MTUS1: variants seen among roughly 807,000 people sequenced by gnomAD.
The protein encoded by MTUS1 is microtubule associated scaffold protein 1.
MTUS1 carries 109 observed loss-of-function variants against 120.8 expected under a neutral mutation model. That is an observed-to-expected ratio of 0.90 (90% confidence interval 0.77 to 1.06). The LOEUF is 1.06. Ranked by LOEUF, MTUS1 falls within the 50% of genes least tolerant of loss-of-function variation. The pLI is 0.00. For synonymous variants in MTUS1, 737 were observed against 550.5 expected, an observed-to-expected ratio of 1.34 and a Z score of -4.74; for missense variants, 2,210 against 1,486.3, an observed-to-expected ratio of 1.49 and a Z score of -8.01.
intron 6 of MTUS1, among the ~76,000 whole-genome samples, chr8:17,707,840 T>G (rs1820472176): frequency 6.6e-6 from 1 of 152,214 alleles, no homozygotes; most frequent in Non-Finnish European, 1.5e-5. Context: ...AACCAATTAT[T>G]TTTAACAAAG....
At chr8:17,666,242 G>A (rs116038571) in intron 8 of MTUS1, among the ~76,000 whole-genome samples, 23 of 150,158 alleles carry the variant, frequency 1.5e-4, no homozygotes, top group South Asian at 1.1e-3. Flanking sequence ...AAGTGAGGCT[G>A]ACTTTAAAGG....
intron 2 of MTUS1, among the ~76,000 whole-genome samples, chr8:17,748,416 A>G (rs925985599): frequency 1.3e-5 from 2 of 152,204 alleles, no homozygotes; most frequent in African/African-American, 2.4e-5. Context: ...ACAGTGGACA[A>G]GAGCTTGGGA....
chr8:17,759,616 TTC>T (rs999928704), intron 1 of MTUS1, among the ~76,000 whole-genome samples: 4 of 145,882 alleles, frequency 2.7e-5, no homozygotes, highest in South Asian at 4.5e-4. Context: ...TATATAAAAG[TTC>T]TCTTTCTTTT....
intron 7 of MTUS1, among the ~76,000 whole-genome samples, chr8:17,683,269 C>T (rs1815002451): frequency 6.6e-6 from 1 of 151,700 alleles, no homozygotes; most frequent in South Asian, 2.1e-4. Flanking sequence ...GAGAGTCTGT[C>T]TCAAAAAAAA....
chr8:17,716,312 C>T (rs1335414837), intron 4 of MTUS1, among the ~76,000 whole-genome samples: 4 of 152,176 alleles, frequency 2.6e-5, no homozygotes, highest in Non-Finnish European at 5.9e-5. Flanking sequence ...AGAACAGTAA[C>T]ATACAGACTC....
Position 17,767,707 on chromosome 8 carries a change from A to AAAAAAAAAAACAAACAAACAAACAAAC in MTUS1, c.-154-11747_-154-11746insGTTTGTTTGTTTGTTTGTTTTTTTTTT, listed in dbSNP as rs1554533226. Among the ~76,000 whole-genome samples the AAAAAAAAAAACAAACAAACAAACAAAC allele has an allele frequency of 4.0e-4, 58 of 144,522 alleles. 1 individual carries two copies. The highest frequency in any genetic ancestry group is 1.0e-3 in the East Asian group (5 of 4,970). 94.8% of individuals were successfully genotyped at this position (144,522 alleles called of 152,430 possible). ...GAGCAAGACCCTGTCTCTTAAAAAAAAAAAAAAAAAACGGTGTGAAAGAGA... is the reference window on the plus strand; with the variant it reads ...GAGCAAGACCCTGTCTCTTAAAAAAAAAAAAAAAAACAAACAAACAAACAAACAAAAAAAAAAACGGTGTGAAAGAGA... On this transcript the variant is annotated intron_variant, in intron 1 of 14. Coordinates refer to ENST00000693296, the MANE Select transcript of MTUS1 (RefSeq NM_001363059.2).
intron 6 of MTUS1, among the ~76,000 whole-genome samples, chr8:17,688,693 A>C (rs765348319): frequency 6.6e-6 from 1 of 152,168 alleles, no homozygotes; most frequent in Non-Finnish European, 1.5e-5. Context: ...GCAATCTTAC[A>C]TACAGTTTTT....
chr8:17,656,455 G>A lies in MTUS1; in HGVS notation c.2906-390C>T, dbSNP rs542360738. Reference sequence around the variant, plus strand: ...AGGCAGGAGAATTGCTTGAACCCGGGAGGCGGAGGTTGTAGTGAGCCAAGA... The same window carrying A: ...AGGCAGGAGAATTGCTTGAACCCGGAAGGCGGAGGTTGTAGTGAGCCAAGA... On this transcript the variant is annotated intron_variant, in intron 8 of 14. Coordinates refer to ENST00000693296, the MANE Select transcript of MTUS1 (RefSeq NM_001363059.2). Among the ~76,000 whole-genome samples, 4 of 151,962 alleles carry A rather than the reference G, an allele frequency of 2.6e-5. No individual in the cohort carries two copies. In the East Asian group the frequency reaches 5.9e-4, roughly 22 times the overall value.
Position 17,709,915 on chromosome 8 carries a change from G to C in MTUS1, c.2623+3299C>G, listed in dbSNP as rs543709899. On this transcript the variant is annotated intron_variant, in intron 6 of 14. Transcript: ENST00000693296. ...CCAGCTACTCGGGAGGCTGAGGCAGGAGAATGGCGTGAACCCGGGAGGCAG... is the reference window on the plus strand; with the variant it reads ...CCAGCTACTCGGGAGGCTGAGGCAGCAGAATGGCGTGAACCCGGGAGGCAG... Among the ~76,000 whole-genome samples, 19 of 151,812 alleles carry C rather than the reference G, an allele frequency of 1.3e-4. 1 individual carries two copies. Among genetic ancestry groups the C allele is most frequent in the Admixed American group, 2.6e-4 (4 of 15,232 alleles).
chr8:17,681,286 C>G (rs1020050309), intron 7 of MTUS1, among the ~76,000 whole-genome samples: 1 of 152,232 alleles, frequency 6.6e-6, no homozygotes, highest in Non-Finnish European at 1.5e-5. Flanking sequence ...AAATTAAATG[C>G]AAGTGGTGAT....
chr8:17,750,359 T>A (rs1456901581), intron 2 of MTUS1, among the ~76,000 whole-genome samples: 1 of 152,126 alleles, frequency 6.6e-6, no homozygotes, highest in East Asian at 1.9e-4. Context: ...CAGAGAAAAA[T>A]CTTCTTTTAA....
At chr8:17,758,412 TA>T (rs1357066060) in intron 1 of MTUS1, among the ~76,000 whole-genome samples, 1 of 152,236 alleles carries the variant, frequency 6.6e-6, no homozygotes, top group African/African-American at 2.4e-5. Context: ...GTGATTTATA[TA>T]CTGATGGAAA....
intron 12 of MTUS1, 83 bp from the exon 13 acceptor site, chr8:17,650,045 A>G: frequency 3.7e-6 from 3 of 802,954 alleles, no homozygotes; most frequent in Non-Finnish European, 6.5e-6. Context: ...AGATTGAGAC[A>G]TTAGACAAGT....
intron 1 of MTUS1, among the ~76,000 whole-genome samples, chr8:17,788,622 A>C (rs2131569647): frequency 6.6e-6 from 1 of 152,306 alleles, no homozygotes; most frequent in Middle Eastern, 3.4e-3. Flanking sequence ...CTGCAGTCCT[A>C]ACTCAGCCGA....
intron 8 of MTUS1, among the ~76,000 whole-genome samples, chr8:17,662,724 C>T (rs953895204): frequency 6.6e-6 from 1 of 151,808 alleles, no homozygotes; most frequent in African/African-American, 2.4e-5. Context: ...CACCAACAGA[C>T]CACCATCTGT....
chr8:17,749,586 G>A (rs535067846), intron 2 of MTUS1, among the ~76,000 whole-genome samples: 10 of 151,236 alleles, frequency 6.6e-5, no homozygotes, highest in Non-Finnish European at 8.9e-5. Context: ...ACTTGAACCC[G>A]GGAGGCAGAG....
At chr8:17,776,914 T>C (rs995518048) in intron 1 of MTUS1, among the ~76,000 whole-genome samples, 6 of 152,252 alleles carry the variant, frequency 3.9e-5, no homozygotes, top group African/African-American at 1.4e-4. Context: ...TAATTGTAAT[T>C]GCGCTTTCGG....
chr8:17,650,397 G>A (rs1360692178), intron 12 of MTUS1, among the ~76,000 whole-genome samples: 2 of 152,154 alleles, frequency 1.3e-5, no homozygotes, highest in African/African-American at 4.8e-5. Flanking sequence ...AAACAACAGG[G>A]ATAACAATGT....
intron 1 of MTUS1, among the ~76,000 whole-genome samples, chr8:17,764,007 C>A (rs1177595045): frequency 6.6e-6 from 1 of 152,056 alleles, no homozygotes; most frequent in African/African-American, 2.4e-5. Context: ...AGGATTAGTG[C>A]CCACAAATTG....
Sources: gnomAD v4.1 joint callset for allele counts (sites outside exome capture counted in the v4.1 genomes callset) on GRCh38, gnomAD v4.1.1 for gene constraint, MANE v1.5 for transcripts, NCBI Gene and HGNC (gene_info 2026-07-23, HGNC 2026-07-21) for gene names.